The following C12orf42 variants were observed in gnomAD, a reference collection of about 807,000 sequenced individuals.
C12orf42 encodes the protein uncharacterized protein C12orf42.
C12orf42 carries 25 observed loss-of-function variants against 21.6 expected under a neutral mutation model. That is an observed-to-expected ratio of 1.16 (90% CI 0.84 to 1.62). The LOEUF (loss-of-function observed/expected upper bound fraction) is 1.62. C12orf42 is among the 40% of genes most tolerant of loss of function. C12orf42 has a pLI of 0.00. For synonymous variants in C12orf42, 174 were observed against 175.0 expected (o/e 0.99, Z 0.05); for missense variants, 483 against 459.3 (o/e 1.05, Z -0.47).
chr12:103,317,187 A>G (rs780881190), intron 4 of C12orf42, among the ~76,000 whole-genome samples: 28 of 152,350 alleles, frequency 1.8e-4, no homozygotes, highest in Middle Eastern at 3.4e-3. Context: ...ACTTGCTACA[A>G]GAGGAAGAGG....
rs139757518 is a variant in C12orf42, at chr12:103,353,810, G to A, written c.259+15077C>T. Among the ~76,000 whole-genome samples the A allele has an allele frequency of 2.6e-5, 4 of 152,292 alleles. No homozygotes were observed. The East Asian group carries it at 7.7e-4, about 29-fold the overall frequency. On this transcript the variant is annotated intron_variant, in intron 4 of 5. Coordinates refer to ENST00000548883, the MANE Select transcript of C12orf42 (RefSeq NM_198521.5). ...TGACGCAGAAATATTCAAGGATCCA[G>A]TGGGAACCACCAGCCCTTCACGAGG...
chr12:103,224,251 G>C, the C12orf42 span, among the ~76,000 whole-genome samples: 1 of 152,110 alleles, frequency 6.6e-6, no homozygotes, highest in African/African-American at 2.4e-5. Flanking sequence ...GAAGGGAGGC[G>C]GCCTGAATAA....
the C12orf42 span, among the ~76,000 whole-genome samples, chr12:103,054,019 A>C: frequency 2.0e-4 from 31 of 152,036 alleles, no homozygotes; most frequent in African/African-American, 7.5e-4. Context: ...CCAATCCAAA[A>C]GACTGATTCC....
the C12orf42 span, among the ~76,000 whole-genome samples, chr12:103,182,124 C>T: frequency 6.6e-6 from 1 of 152,072 alleles, no homozygotes; most frequent in Admixed American, 6.6e-5. Context: ...CTTTATTCCC[C>T]TCTCTTAATT....
At chr12:103,384,147 T>C in intron 3 of C12orf42, among the ~76,000 whole-genome samples, 1 of 152,176 alleles carries the variant, frequency 6.6e-6, no homozygotes, top group East Asian at 1.9e-4. Context: ...ACATAATTTC[T>C]TCTTCTTAAA....
chr12:103,418,653 T>C (rs997983558), intron 2 of C12orf42, among the ~76,000 whole-genome samples: 9 of 152,154 alleles, frequency 5.9e-5, no homozygotes, highest in African/African-American at 2.2e-4. Context: ...TGTATCGCCT[T>C]GTTGAAAATA....
chr12:103,118,581 G>A, the C12orf42 span, among the ~76,000 whole-genome samples: 1 of 151,898 alleles, frequency 6.6e-6, no homozygotes, highest in Admixed American at 6.6e-5. Context: ...GGCGGATCAC[G>A]AGGTCAGGAG....
chr12:103,243,604 A>G (rs2033860720), intron 10 of C12orf42, among the ~76,000 whole-genome samples: 1 of 152,132 alleles, frequency 6.6e-6, no homozygotes, highest in Non-Finnish European at 1.5e-5. Context: ...TTATACATTT[A>G]ATGATTGATG....
chr12:103,470,168 G>A (rs1188845491), intron 2 of C12orf42, among the ~76,000 whole-genome samples: 3 of 152,156 alleles, frequency 2.0e-5, no homozygotes, highest in Non-Finnish European at 2.9e-5. Flanking sequence ...AGAATGGAGA[G>A]GCGGAGGAGA....
At chr12:103,234,562 C>T (rs1197679369), downstream of C12orf42, among the ~76,000 whole-genome samples, 1 of 152,170 alleles carries the variant, frequency 6.6e-6, no homozygotes, top group South Asian at 2.1e-4. Flanking sequence ...GCCTAGTGTA[C>T]TGGGGGATCA....
chr12:103,543,918 G>T, the C12orf42 span, among the ~76,000 whole-genome samples: 1 of 147,968 alleles, frequency 6.8e-6, no homozygotes, highest in African/African-American at 2.5e-5. Flanking sequence ...TTTTGAGATG[G>T]AGTCTTGCTC....
intron 5 of C12orf42, among the ~76,000 whole-genome samples, chr12:103,274,597 A>G (rs1298213184): frequency 6.6e-6 from 1 of 152,150 alleles, no homozygotes; most frequent in Non-Finnish European, 1.5e-5. Flanking sequence ...TCATCTGGGC[A>G]TAGAAAAAGG....
chr12:103,523,775 C>A, the C12orf42 span, among the ~76,000 whole-genome samples: 1 of 150,418 alleles, frequency 6.6e-6, no homozygotes, highest in African/African-American at 2.4e-5. Flanking sequence ...ATATATATAT[C>A]TTAAACCTTT....
chr12:103,218,827 A>T, the C12orf42 span, among the ~76,000 whole-genome samples: 1 of 152,232 alleles, frequency 6.6e-6, no homozygotes, highest in Non-Finnish European at 1.5e-5. Flanking sequence ...AATTGCAAAA[A>T]ATTAAAAAAT....
the C12orf42 span, among the ~76,000 whole-genome samples, chr12:103,144,761 C>T: frequency 6.6e-6 from 1 of 152,106 alleles, no homozygotes; most frequent in Non-Finnish European, 1.5e-5. Flanking sequence ...CTGGAGTTGG[C>T]TGCTGGCCAC....
chr12:103,420,905 G>A (rs1029923895), intron 2 of C12orf42, among the ~76,000 whole-genome samples: 16 of 152,200 alleles, frequency 1.1e-4, no homozygotes, highest in South Asian at 2.1e-4. Flanking sequence ...GCAAAATAGC[G>A]TTAATTCCAC....
At chr12:103,242,367 A>G (rs2033790467) in intron 10 of C12orf42, among the ~76,000 whole-genome samples, 1 of 152,188 alleles carries the variant, frequency 6.6e-6, no homozygotes, top group South Asian at 2.1e-4. Flanking sequence ...TTTACAATGG[A>G]AACTACTGGA....
the C12orf42 span, among the ~76,000 whole-genome samples, chr12:103,222,913 T>C: frequency 1.3e-5 from 2 of 151,110 alleles, no homozygotes; most frequent in African/African-American, 4.9e-5. Flanking sequence ...GGAATCTTGC[T>C]CTGTTATTTC....
chr12:103,551,255 T>C, the C12orf42 span, among the ~76,000 whole-genome samples: 1 of 152,198 alleles, frequency 6.6e-6, no homozygotes, highest in Non-Finnish European at 1.5e-5. Flanking sequence ...GTCATGGCTC[T>C]ATAATATATT....
Sources: gnomAD v4.1 joint callset for allele counts (sites outside exome capture counted in the v4.1 genomes callset) on GRCh38, gnomAD v4.1.1 for gene constraint, MANE v1.5 for transcripts, NCBI Gene and HGNC (gene_info 2026-07-23, HGNC 2026-07-21) for gene names.